The following GRHL1 variants were observed in gnomAD, a reference collection of about 807,000 sequenced individuals.
GRHL1 encodes grainyhead like transcription factor 1, also known as grainyhead-like protein 1 homolog.
A neutral mutation model predicts 75.7 loss-of-function variants in GRHL1; 38 were observed. The ratio of observed to expected loss-of-function variants is 0.50; its 90% CI spans 0.39 to 0.66. The LOEUF (loss-of-function observed/expected upper bound fraction) is 0.66, where lower values mean the gene tolerates loss of function less well. Ranked by LOEUF, GRHL1 falls within the 30% of genes least tolerant of loss-of-function variation. The pLI, the probability that GRHL1 is intolerant of heterozygous loss-of-function variation, is 0.00. For missense variants in GRHL1, 589 were observed against 767.5 expected, an observed-to-expected ratio of 0.77 and a Z score of 2.75; for synonymous variants, 266 against 279.4, an observed-to-expected ratio of 0.95 and a Z score of 0.48.
intron 14 of GRHL1, among the ~76,000 whole-genome samples, chr2:9,997,971 A>G (rs16867278): frequency 0.028 from 4,317 of 152,308 alleles, 188 homozygotes; most frequent in African/African-American, 0.097. Flanking sequence ...ATGTCAGAAC[A>G]CAAAGTATTA....
At chr2:9,982,157 G>A (rs1402236022) in intron 8 of GRHL1, among the ~76,000 whole-genome samples, 1 of 152,188 alleles carries the variant, frequency 6.6e-6, no homozygotes, top group Non-Finnish European at 1.5e-5. Context: ...CTATGCCTCT[G>A]TAAAAATTTT....
Position 9,992,206 on chromosome 2 carries a change from C to T in GRHL1, c.1461+60C>T, listed in dbSNP as rs1216517589. ...AAGGAAGGCATGGCAAAAGGAAATTCTTTGGCATTATTCATGGGAAACAGA... is the reference window on the plus strand; with the variant it reads ...AAGGAAGGCATGGCAAAAGGAAATTTTTTGGCATTATTCATGGGAAACAGA... On this transcript the variant is annotated intron_variant, in intron 11 of 15. Coordinates refer to ENST00000324907, the MANE Select transcript of GRHL1 (RefSeq NM_198182.3). The surrounding 1 kb of genome is among the most constrained non-coding windows in gnomAD (Gnocchi z 4.6). The T allele has an allele frequency of 1.9e-6, 3 of 1,538,890 alleles. No homozygotes were observed. The African/African-American group carries it at 4.1e-5, about 21-fold the overall frequency.
chr2:9,965,251 A>G (rs1558295854), intron 7 of GRHL1, 36 bp from the exon 8 acceptor site: 1 of 1,110,776 alleles, frequency 9.0e-7, no homozygotes, highest in African/African-American at 1.5e-5. Context: ...ACTAAGACTC[A>G]TGAGTTTTCA....
chr2:9,966,488 A>C (rs1288059735), intron 8 of GRHL1: 1 of 152,164 alleles, frequency 6.6e-6, no homozygotes, highest in Admixed American at 6.5e-5. Flanking sequence ...TTTTCCTTAC[A>C]ATATTAGGTA....
chr2:9,976,964 T>C (rs1266280851), intron 8 of GRHL1, among the ~76,000 whole-genome samples: 1 of 152,242 alleles, frequency 6.6e-6, no homozygotes, highest in Non-Finnish European at 1.5e-5. Flanking sequence ...TGCAAATGTT[T>C]AGGAATACAT....
chr2:9,958,426 C>T (rs1422865829), intron 2 of GRHL1, among the ~76,000 whole-genome samples: 1 of 152,084 alleles, frequency 6.6e-6, no homozygotes, highest in South Asian at 2.1e-4. Flanking sequence ...ACAATCCTCC[C>T]ACCTTGGCCT....
chr2:9,962,432 G>A, intron 4 of GRHL1, 23 bp from the exon 5 acceptor site: 1 of 1,414,430 alleles, frequency 7.1e-7, no homozygotes, highest in Non-Finnish European at 1.0e-6. Context: ...AAATAGTTGT[G>A]GCTTATCACA....
chr2:9,959,506 A>G (rs3791765), intron 3 of GRHL1: 46,376 of 152,136 alleles, frequency 0.3, 7,059 homozygotes, highest in Non-Finnish European at 0.32. Flanking sequence ...GTTCACAGAT[A>G]GGATTTGGTA....
chr2:10,000,893 G>C lies in GRHL1; in HGVS notation c.*186G>C, dbSNP rs2125255604. On this transcript the variant is annotated 3_prime_UTR_variant, in exon 16 of 16. Coordinates refer to ENST00000324907, the MANE Select transcript of GRHL1 (RefSeq NM_198182.3). The stretch of plus-strand genomic sequence containing the variant: ...TGGTAGCATTTAATCTATTGCATTG[G>C]TGTTTTTCAGATGAAAGAGAAATCC... The C allele has an allele frequency of 2.2e-6, 1 of 450,872 alleles. No homozygotes were observed. The highest frequency in any genetic ancestry group is 2.0e-5 in the African/African-American group (1 of 50,330). 27.9% of individuals were successfully genotyped at this position (450,872 alleles called of 1,614,324 possible).
At position 9,991,559 on chromosome 2, in the gene GRHL1, T is replaced by C. The variant is rs564240566; in HGVS notation, c.1322-448T>C. Among the ~76,000 whole-genome samples, 111 of 152,312 alleles carry C rather than the reference T, an allele frequency of 7.3e-4. 1 individual carries two copies. The highest frequency in any genetic ancestry group is 2.5e-3 in the African/African-American group (102 of 41,568). ...TAAATTAAAAATTGGATGGGCATGC[T>C]TACACTTCACCTCATTGTCGAGTTT... On this transcript the variant is annotated intron_variant, in intron 10 of 15. Coordinates refer to ENST00000324907, the MANE Select transcript of GRHL1 (RefSeq NM_198182.3).
Position 9,996,317 on chromosome 2 carries a change from G to C in GRHL1, c.1593G>C (p.Val531=). 2 of 1,606,748 alleles carry C rather than the reference G, an allele frequency of 1.2e-6. No homozygotes were observed. Among genetic ancestry groups the C allele is most frequent in the Non-Finnish European group, 1.7e-6 (2 of 1,173,424 alleles). ...TATTCCTGGTTGGGGATTGATTAGTGCTGCTCTACGTTCGAAAGGAGTCAG... is the reference window on the plus strand; with the variant it reads ...TATTCCTGGTTGGGGATTGATTAGTCCTGCTCTACGTTCGAAAGGAGTCAG... ...KLARIEEPKR[V]LLYVRKESEE... The change falls in exon 14 of 16, where the codon GTG becomes GTC. Residue 531 remains valine (V), a splice_region_variant and synonymous_variant. Coordinates refer to ENST00000324907, the MANE Select transcript of GRHL1 (RefSeq NM_198182.3).
rs1667250115 is a variant in GRHL1 at position 9,961,121 on chromosome 2, G to T, written c.354G>T (p.Val118=). 1 of 1,595,980 alleles carries T rather than the reference G, an allele frequency of 6.3e-7. No homozygotes were observed. The highest frequency in any genetic ancestry group is 8.5e-7 in the Non-Finnish European group (1 of 1,170,642). The stretch of plus-strand genomic sequence containing the variant: ...ACAGAGTGCAAGTACTGAAAAATGT[G>T]CCATTTAACATTGTCCTTCCCCATG... ...GENRVQVLKN[V]PFNIVLPHGN... Residue 118 remains valine (V), a synonymous_variant, in exon 4 of 16, where the codon GTG becomes GTT. Coordinates refer to ENST00000324907, the MANE Select transcript of GRHL1 (RefSeq NM_198182.3).
rs1668790503 is a variant in GRHL1 at position 9,994,950 on chromosome 2, C to CT, written c.1500-928dup. 3.9e-5 allele frequency among the ~76,000 whole-genome samples: 6 copies of CT among 152,284 alleles called. No homozygotes were observed. In the South Asian group the frequency reaches 1.0e-3, roughly 26 times the overall value. On this transcript the variant is annotated intron_variant, in intron 12 of 15. Coordinates refer to ENST00000324907, the MANE Select transcript of GRHL1 (RefSeq NM_198182.3). ...CTCGGATTATACCAGCCTCCTTCCC[C>CT]TGGTTTTTCTGCTTGAAGGTCCTGG...
In GRHL1 at chr2:10,000,631, A is replaced by T. The variant is rs1256010998; in HGVS notation, c.1781A>T (p.Tyr594Phe). The T allele has an allele frequency of 7.4e-6, 12 of 1,613,204 alleles. No homozygotes were observed. The highest frequency in any genetic ancestry group is 1.0e-5 in the Non-Finnish European group (12 of 1,179,384). Residue 594 changes from tyrosine (Y) to phenylalanine (F), a missense_variant, in exon 16 of 16, where the codon TAC (tyrosine) becomes TTC (phenylalanine). Tyr to Phe is a conservative substitution (Grantham distance 22). Around this residue, in one of 5 missense-constraint regions of GRHL1, gnomAD observed 192 missense variants for 226.6 expected, o/e 0.85. Coordinates refer to ENST00000324907, the MANE Select transcript of GRHL1 (RefSeq NM_198182.3). ...ATGGACGACAACATTGTGAAGCATT[A>T]CTCCAATGAGGACACCTTCCAGCTG... ...VNMDDNIVKH[Y>F]SNEDTFQLQI...
chr2:9,977,983 G>A (rs934989569), intron 8 of GRHL1, among the ~76,000 whole-genome samples: 5 of 152,198 alleles, frequency 3.3e-5, no homozygotes, highest in Admixed American at 6.5e-5. Flanking sequence ...CATGGCGGCC[G>A]GCGAGAGAGA....
chr2:9,960,713 T>TTTGACCCTG (rs1194575514), intron 3 of GRHL1: 2 of 208,148 alleles, frequency 9.6e-6, no homozygotes, highest in African/African-American at 4.6e-5. Context: ...CTGGCGTCTA[T>TTTGACCCTG]GCTGTAACCC....
rs76200717 is a variant in GRHL1, at chr2:9,986,001, T to C, written c.1111-123T>C. The C allele has an allele frequency of 8.6e-3, 5,726 of 665,692 alleles. 236 individuals are homozygous for C. The African/African-American group carries it at 0.091, about 11-fold the overall frequency. 41.2% of individuals were successfully genotyped at this position (665,692 alleles called of 1,614,324 possible). A position where few individuals can be genotyped will look rare whatever the true frequency, so the allele number is the denominator to read the frequency against. On this transcript the variant is annotated intron_variant, in intron 8 of 15. Transcript: ENST00000324907. ...TTTTTAAAAACCCTTTTTTAAAAAA[T>C]GAGAAGCTGAGCTTCTCATTTAAAA... is the stretch of plus-strand genomic sequence containing the variant.
At chr2:9,954,411 T>C (rs1666921559) in intron 1 of GRHL1, among the ~76,000 whole-genome samples, 3 of 152,216 alleles carry the variant, frequency 2.0e-5, no homozygotes, top group Admixed American at 6.5e-5. Context: ...TCCCTTTTTC[T>C]TTCTGCTGCT....
intron 14 of GRHL1, among the ~76,000 whole-genome samples, chr2:9,997,194 A>G (rs1172470754): frequency 6.6e-6 from 1 of 152,182 alleles, no homozygotes; most frequent in African/African-American, 2.4e-5. Context: ...TGTGGCGGGC[A>G]CTGGAGTTAT....
Sources: gnomAD v4.1 joint callset for allele counts (sites outside exome capture counted in the v4.1 genomes callset) on GRCh38, gnomAD v4.1.1 for gene constraint, gnomAD v4.1.1 regional missense constraint, Gnocchi (gnomAD v3.1) non-coding constraint, MANE v1.5 for transcripts, NCBI Gene and HGNC (gene_info 2026-07-23, HGNC 2026-07-21) for gene names.